GPC5: variants seen among roughly 807,000 people sequenced by gnomAD.
GPC5 encodes the protein glypican 5, also known as glypican-5.
A neutral mutation model predicts 53.9 loss-of-function variants in GPC5; 47 were observed. The ratio of observed to expected loss-of-function variants is 0.87; its 90% confidence interval spans 0.69 to 1.11. GPC5 has a LOEUF of 1.11. Among genes scored for constraint, GPC5 ranks in the 50% most tolerant of loss-of-function variants. GPC5 has a pLI of 0.00. For synonymous variants in GPC5, 286 were observed against 263.3 expected (o/e 1.09, Z -0.84); for missense variants, 748 against 713.1 (o/e 1.05, Z -0.56).
intron 6 of GPC5, among the ~76,000 whole-genome samples, chr13:92,031,691 T>TATATA (rs71113783): frequency 0.046 from 1,693 of 36,676 alleles, 417 homozygotes; most frequent in African/African-American, 0.087. Context: ...ATATATAGTA[T>TATATA]ATATAATATA....
At chr13:92,657,906 AT>A (rs1419917535) in intron 7 of GPC5, among the ~76,000 whole-genome samples, 1 of 151,790 alleles carries the variant, frequency 6.6e-6, no homozygotes, top group African/African-American at 2.4e-5. Context: ...TTGCTTTTCT[AT>A]TTTTCTATTT....
At chr13:91,558,040 G>T (rs1334580244) in intron 2 of GPC5, among the ~76,000 whole-genome samples, 1 of 152,108 alleles carries the variant, frequency 6.6e-6, no homozygotes, top group African/African-American at 2.4e-5. Flanking sequence ...AAAAGTCAGG[G>T]GGAGCATATT....
intron 7 of GPC5, among the ~76,000 whole-genome samples, chr13:92,704,864 G>GTA (rs370576022): frequency 2.2e-3 from 325 of 149,488 alleles, no homozygotes; most frequent in African/African-American, 7.3e-3. Context: ...ATATATGAGT[G>GTA]TATATATATA....
intron 2 of GPC5, among the ~76,000 whole-genome samples, chr13:91,567,192 A>G (rs1462899476): frequency 6.6e-6 from 1 of 152,116 alleles, no homozygotes; most frequent in Non-Finnish European, 1.5e-5. Flanking sequence ...CATTTAAAGG[A>G]ACCTGGAGAT....
intron 7 of GPC5, among the ~76,000 whole-genome samples, chr13:92,164,285 C>A (rs763482322): frequency 9.2e-5 from 14 of 152,100 alleles, no homozygotes; most frequent in Non-Finnish European, 2.1e-4. Flanking sequence ...TCATATAAGA[C>A]AAGACAAGTC....
At chr13:91,436,784 G>C (rs985495602) in intron 1 of GPC5, among the ~76,000 whole-genome samples, 1 of 152,058 alleles carries the variant, frequency 6.6e-6, no homozygotes, top group Admixed American at 6.6e-5. Flanking sequence ...GTTGACAGTG[G>C]GGTGTTAAAG....
intron 5 of GPC5, among the ~76,000 whole-genome samples, chr13:91,850,072 C>A (rs555035280): frequency 9.9e-5 from 15 of 152,206 alleles, no homozygotes; most frequent in African/African-American, 3.4e-4. Flanking sequence ...TATCTTTCAA[C>A]GGAGGTTTTT....
At chr13:91,822,060 C>A (rs1038710921) in intron 5 of GPC5, among the ~76,000 whole-genome samples, 1 of 152,124 alleles carries the variant, frequency 6.6e-6, no homozygotes, top group Non-Finnish European at 1.5e-5. Flanking sequence ...CTGACTACAC[C>A]GTAGAGTTCA....
Position 92,595,238 on chromosome 13 carries a change from A to T in GPC5, c.1562-271044A>T, listed in dbSNP as rs1883831383. ...CCCCTTTTTCAAAGTTTAAATAGGG[A>T]TCTAAAATCAAAGCATACCAAATAC... On this transcript the variant is annotated intron_variant, in intron 7 of 7. Transcript: ENST00000377067. Among the ~76,000 whole-genome samples, 3 of 152,128 alleles carry T rather than the reference A, an allele frequency of 2.0e-5. No homozygotes were observed. The South Asian group carries it at 6.2e-4, about 32-fold the overall frequency.
At chr13:91,628,448 T>C (rs981343100) in intron 2 of GPC5, among the ~76,000 whole-genome samples, 1 of 151,904 alleles carries the variant, frequency 6.6e-6, no homozygotes, top group African/African-American at 2.4e-5. Context: ...CATGTAGCTA[T>C]GTTTAACCGT....
At chr13:92,158,801 C>G (rs17299487) in intron 7 of GPC5, among the ~76,000 whole-genome samples, 6,569 of 152,180 alleles carry the variant, frequency 0.043, 274 homozygotes, top group African/African-American at 0.1. Context: ...CTCCAGCCAT[C>G]ATGTAATCTT....
intron 7 of GPC5, among the ~76,000 whole-genome samples, chr13:92,208,635 G>T (rs2139071454): frequency 6.6e-6 from 1 of 152,286 alleles, no homozygotes; most frequent in African/African-American, 2.4e-5. Context: ...TTCAGATACA[G>T]TTGACTTTAA....
intron 7 of GPC5, among the ~76,000 whole-genome samples, chr13:92,246,989 G>A (rs1030130398): frequency 1.3e-5 from 2 of 152,016 alleles, no homozygotes; most frequent in African/African-American, 4.8e-5. Flanking sequence ...TTTTTGCCGT[G>A]CTATGTCATG....
rs186021384 is a variant in GPC5, at chr13:91,649,923, T to A, written c.326-43264T>A. Among the ~76,000 whole-genome samples the A allele has an allele frequency of 1.0e-3, 157 of 152,326 alleles. 1 individual carries two copies. Among genetic ancestry groups the A allele is most frequent in the African/African-American group, 3.1e-3 (129 of 41,574 alleles). ...AATTTATAAAATACATAGATTTTTTTAAAAATTTATTTTGAAATAATTGTA... is the reference window on the plus strand; with the variant it reads ...AATTTATAAAATACATAGATTTTTTAAAAAATTTATTTTGAAATAATTGTA... On this transcript the variant is annotated intron_variant, in intron 2 of 7. Coordinates refer to ENST00000377067, the MANE Select transcript of GPC5 (RefSeq NM_004466.6).
At chr13:92,753,577 T>C (rs1240866643) in intron 7 of GPC5, among the ~76,000 whole-genome samples, 1 of 151,900 alleles carries the variant, frequency 6.6e-6, no homozygotes, top group Non-Finnish European at 1.5e-5. Context: ...AGTTGAAAAC[T>C]TTGAAAAAAA....
intron 7 of GPC5, among the ~76,000 whole-genome samples, chr13:92,527,182 GAAGAAAGA>G (rs1168907594): frequency 0.012 from 548 of 45,120 alleles, 27 homozygotes; most frequent in Non-Finnish European, 0.017. Context: ...GAGAAAGAAA[GAAGAAAGA>G]AAGAAAGAAA....
chr13:92,147,019 C>G (rs552351491), intron 7 of GPC5, among the ~76,000 whole-genome samples: 1 of 151,864 alleles, frequency 6.6e-6, no homozygotes, highest in African/African-American at 2.4e-5. Flanking sequence ...TGATAAATGA[C>G]GTGACGTGAA....
chr13:92,087,962 G>T (rs2041348998), intron 6 of GPC5, among the ~76,000 whole-genome samples: 1 of 150,984 alleles, frequency 6.6e-6, no homozygotes, highest in African/African-American at 2.4e-5. Flanking sequence ...AGAGATGGGG[G>T]TCTCGCTACA....
chr13:91,945,439 A>G (rs1187286106), intron 6 of GPC5, among the ~76,000 whole-genome samples: 1 of 152,212 alleles, frequency 6.6e-6, no homozygotes, highest in African/African-American at 2.4e-5. Context: ...GTTGGAATGT[A>G]TAAGTGTTCA....
Sources: gnomAD v4.1 joint callset for allele counts (sites outside exome capture counted in the v4.1 genomes callset) on GRCh38, gnomAD v4.1.1 for gene constraint, MANE v1.5 for transcripts, NCBI Gene and HGNC (gene_info 2026-07-23, HGNC 2026-07-21) for gene names.